KCTD8: variants seen among roughly 807,000 people sequenced by gnomAD.
The protein encoded by KCTD8 is BTB/POZ domain-containing protein KCTD8.
In KCTD8, 27 loss-of-function variants were observed where a neutral mutation model predicts 31.5. The observed-to-expected ratio is 0.86, with a 90% CI of 0.63 to 1.18. KCTD8 has a LOEUF of 1.18. KCTD8 is among the 50% of genes most tolerant of loss of function. KCTD8 has a pLI of 0.00. For missense variants in KCTD8, 658 were observed against 647.7 expected (o/e 1.02, Z -0.17); for synonymous variants, 290 against 280.0 (o/e 1.04, Z -0.36).
chr4:44,337,414 G>A (rs907745240), intron 1 of KCTD8, among the ~76,000 whole-genome samples: 6 of 152,042 alleles, frequency 3.9e-5, no homozygotes, highest in South Asian at 4.2e-4. Flanking sequence ...GGTGGTTCAC[G>A]CCTGTAATCC....
At chr4:44,198,635 C>G (rs1227648866) in intron 1 of KCTD8, among the ~76,000 whole-genome samples, 1 of 152,122 alleles carries the variant, frequency 6.6e-6, no homozygotes, top group Non-Finnish European at 1.5e-5. Context: ...ACCAGACCAG[C>G]CTTACAAGAG....
intron 1 of KCTD8, among the ~76,000 whole-genome samples, chr4:44,433,714 C>T (rs563379431): frequency 1.3e-5 from 2 of 151,624 alleles, no homozygotes; most frequent in East Asian, 3.9e-4. Context: ...CACCTATTTC[C>T]TTATTTTTTC....
At chr4:44,186,327 T>C (rs1461287311) in intron 1 of KCTD8, among the ~76,000 whole-genome samples, 3 of 152,160 alleles carry the variant, frequency 2.0e-5, no homozygotes, top group African/African-American at 7.2e-5. Flanking sequence ...ACCTTTCCAC[T>C]GCATACCCCT....
intron 1 of KCTD8, among the ~76,000 whole-genome samples, chr4:44,361,845 G>A (rs1045857000): frequency 5.3e-5 from 8 of 152,084 alleles, no homozygotes; most frequent in African/African-American, 1.9e-4. Context: ...CCATAAACAT[G>A]CATAATACTG....
Position 44,175,308 on chromosome 4 carries a change from G to A in KCTD8, c.962-58C>T, listed in dbSNP as rs1026464051. 19 of 1,065,358 alleles carry A rather than the reference G, an allele frequency of 1.8e-5. No individual in the cohort carries two copies. In the African/African-American group the frequency reaches 2.9e-4, roughly 16 times the overall value. The allele number at this position is 1,065,358 out of a possible 1,614,324, so 66.0% of individuals were successfully genotyped here. On this transcript the variant is annotated intron_variant, in intron 1 of 1. Coordinates refer to ENST00000360029, the MANE Select transcript of KCTD8 (RefSeq NM_198353.3). The stretch of plus-strand genomic sequence containing the variant: ...GAACAGTTGAATAAGAAGTGTGAAG[G>A]TAAAATTAAATGAACTCTATATTTT...
At chr4:44,328,181 C>T (rs1463803710) in intron 1 of KCTD8, among the ~76,000 whole-genome samples, 2 of 151,902 alleles carry the variant, frequency 1.3e-5, no homozygotes, top group Non-Finnish European at 2.9e-5. Flanking sequence ...AGTAAACCAA[C>T]TCATAGAACT....
At chr4:44,210,537 CT>C (rs1197422522) in intron 1 of KCTD8, among the ~76,000 whole-genome samples, 1 of 152,134 alleles carries the variant, frequency 6.6e-6, no homozygotes, top group Non-Finnish European at 1.5e-5. Context: ...CAAAATACAC[CT>C]ATCCACCATG....
At chr4:44,237,570 G>A (rs572092300) in intron 1 of KCTD8, among the ~76,000 whole-genome samples, 1 of 152,260 alleles carries the variant, frequency 6.6e-6, no homozygotes, top group Admixed American at 6.5e-5. Context: ...TAAAGCAAAT[G>A]TTTTGATCTC....
chr4:44,436,300 A>G (rs1721643054), intron 1 of KCTD8, among the ~76,000 whole-genome samples: 1 of 152,150 alleles, frequency 6.6e-6, no homozygotes, highest in South Asian at 2.1e-4. Flanking sequence ...AAGCAGCCAT[A>G]TATTCAGAAC....
chr4:44,211,256 A>G (rs556212378), intron 1 of KCTD8, among the ~76,000 whole-genome samples: 3 of 152,350 alleles, frequency 2.0e-5, no homozygotes, highest in South Asian at 4.1e-4. Context: ...GTAACCTTGA[A>G]GAAACCAGTG....
chr4:44,427,936 A>G (rs1171597314), intron 1 of KCTD8, among the ~76,000 whole-genome samples: 1 of 151,776 alleles, frequency 6.6e-6, no homozygotes, highest in Non-Finnish European at 1.5e-5. Context: ...AAATAAAACT[A>G]TGAAGTTAAT....
At chr4:44,281,212 C>A (rs565706516) in intron 1 of KCTD8, among the ~76,000 whole-genome samples, 29 of 152,216 alleles carry the variant, frequency 1.9e-4, no homozygotes, top group African/African-American at 7.0e-4. Context: ...GTAAAATAAT[C>A]TCCATTTATC....
At chr4:44,338,537 A>G (rs1451772076) in intron 1 of KCTD8, among the ~76,000 whole-genome samples, 4 of 152,212 alleles carry the variant, frequency 2.6e-5, no homozygotes, top group African/African-American at 4.8e-5. Flanking sequence ...ATATCTTAAT[A>G]GGTAGTGCTA....
At chr4:44,303,726 T>C (rs1717711352) in intron 1 of KCTD8, among the ~76,000 whole-genome samples, 1 of 151,912 alleles carries the variant, frequency 6.6e-6, no homozygotes, top group Admixed American at 6.6e-5. Context: ...TAAGGCAGAA[T>C]TGCTTGAGCC....
chr4:44,386,498 T>G (rs187230340), intron 1 of KCTD8, among the ~76,000 whole-genome samples: 3 of 151,534 alleles, frequency 2.0e-5, no homozygotes, highest in Admixed American at 2.0e-4. Flanking sequence ...TATGAAAAGG[T>G]AGTCAATATT....
intron 1 of KCTD8, among the ~76,000 whole-genome samples, chr4:44,405,241 T>TTTTGTTTGTTTGTTTG (rs113965031): frequency 6.7e-6 from 1 of 149,296 alleles, no homozygotes; most frequent in African/African-American, 2.5e-5. Context: ...AGCCAGGTGT[T>TTTTGTTTGTTTGTTTG]TTTGTTTGTT....
chr4:44,429,380 C>T (rs1329629044), intron 1 of KCTD8, among the ~76,000 whole-genome samples: 3 of 151,708 alleles, frequency 2.0e-5, no homozygotes, highest in African/African-American at 4.8e-5. Context: ...CAGTAGTCAT[C>T]AGTGTCAAAT....
intron 1 of KCTD8, 47 bp from the exon 2 acceptor site, chr4:44,175,297 G>A: frequency 8.7e-7 from 1 of 1,143,766 alleles, no homozygotes; most frequent in Non-Finnish European, 1.2e-6. Context: ...AGTTGAATAA[G>A]AAGTGTGAAG....
chr4:44,311,310 T>C (rs1402813411), intron 1 of KCTD8, among the ~76,000 whole-genome samples: 1 of 152,108 alleles, frequency 6.6e-6, no homozygotes, highest in African/African-American at 2.4e-5. Context: ...TTCCACGGTG[T>C]TGCCTTCCTT....
Sources: gnomAD v4.1 joint callset for allele counts (sites outside exome capture counted in the v4.1 genomes callset) on GRCh38, gnomAD v4.1.1 for gene constraint, MANE v1.5 for transcripts, NCBI Gene and HGNC (gene_info 2026-07-23, HGNC 2026-07-21) for gene names.